SATB2: variants seen among roughly 807,000 people sequenced by gnomAD.
SATB2 encodes the protein DNA-binding protein SATB2.
SATB2 carries 1 observed loss-of-function variant against 73.4 expected under a neutral mutation model. The observed-to-expected ratio is 0.01, with a 90% CI of 0.00 to 0.06. The LOEUF is 0.06. SATB2 is among the 10% of genes least tolerant of loss of function. The probability of loss-of-function intolerance (pLI) is 1.00; values close to 1 mark genes in which losing one functional copy is unlikely to be tolerated. For synonymous variants in SATB2, 397 were observed against 367.0 expected, an observed-to-expected ratio of 1.08 and a Z score of -0.93; for missense variants, 459 against 945.8, an observed-to-expected ratio of 0.49 and a Z score of 6.75.
chr2:199,317,509 T>C (rs966659269), intron 9 of SATB2, among the ~76,000 whole-genome samples: 1 of 152,042 alleles, frequency 6.6e-6, no homozygotes, highest in Non-Finnish European at 1.5e-5. Context: ...GAGGATAAAA[T>C]GAACTTAAAA....
chr2:199,367,787 T>G (rs1325007750), intron 6 of SATB2, among the ~76,000 whole-genome samples: 5 of 152,134 alleles, frequency 3.3e-5, no homozygotes, highest in Non-Finnish European at 7.4e-5. Context: ...AACATTTATC[T>G]GAATGGAGTG....
At chr2:199,384,374 A>G (rs2105871292) in intron 3 of SATB2, among the ~76,000 whole-genome samples, 1 of 152,250 alleles carries the variant, frequency 6.6e-6, no homozygotes, top group Admixed American at 6.5e-5. Flanking sequence ...CTGCACAGCT[A>G]TTTACCAGGG....
chr2:199,394,003 C>A (rs1266421196), intron 3 of SATB2, among the ~76,000 whole-genome samples: 1 of 152,062 alleles, frequency 6.6e-6, no homozygotes, highest in Non-Finnish European at 1.5e-5. Flanking sequence ...ACTTCTCTAT[C>A]TAAATAAATA....
At chr2:199,289,681 C>A (rs781499650) in intron 10 of SATB2, among the ~76,000 whole-genome samples, 3 of 152,246 alleles carry the variant, frequency 2.0e-5, no homozygotes, top group Admixed American at 1.3e-4. Context: ...AACATACTTA[C>A]AAATGACATT....
chr2:199,351,680 G>A (rs566356813), intron 6 of SATB2, among the ~76,000 whole-genome samples: 3 of 152,018 alleles, frequency 2.0e-5, no homozygotes, highest in African/African-American at 7.2e-5. Context: ...TGAAAAAAAA[G>A]GTAAAGAGAC....
chr2:199,381,173 C>T (rs1689761439), intron 4 of SATB2, among the ~76,000 whole-genome samples: 1 of 137,814 alleles, frequency 7.3e-6, no homozygotes, highest in Non-Finnish European at 1.6e-5. Context: ...CCCAGAATCT[C>T]TGCAGGCCAC....
At chr2:199,404,867 T>TG (rs780952588) in intron 3 of SATB2, among the ~76,000 whole-genome samples, 1 of 152,216 alleles carries the variant, frequency 6.6e-6, no homozygotes, top group African/African-American at 2.4e-5. Flanking sequence ...GCTTTAAACT[T>TG]GTAAATAACC....
chr2:199,345,903 T>C (rs1212559887), intron 7 of SATB2, among the ~76,000 whole-genome samples: 1 of 152,186 alleles, frequency 6.6e-6, no homozygotes, highest in East Asian at 1.9e-4. Flanking sequence ...TTTTTCAATC[T>C]GTGTCCATCC....
intron 6 of SATB2, among the ~76,000 whole-genome samples, chr2:199,352,080 G>A (rs997705577): frequency 6.6e-6 from 1 of 152,102 alleles, no homozygotes; most frequent in South Asian, 2.1e-4. Context: ...ACCCATCTTG[G>A]CCAGGCTGGT....
At chr2:199,311,598 C>T (rs1272900182) in intron 9 of SATB2, among the ~76,000 whole-genome samples, 1 of 152,158 alleles carries the variant, frequency 6.6e-6, no homozygotes, top group Non-Finnish European at 1.5e-5. Context: ...GTTATTCCCT[C>T]CTACGGGCGC....
chr2:199,360,508 G>A (rs1379826432), intron 6 of SATB2, among the ~76,000 whole-genome samples: 1 of 152,144 alleles, frequency 6.6e-6, no homozygotes, highest in East Asian at 1.9e-4. Context: ...TTCATGGCAT[G>A]AGCTGCCCAT....
chr2:199,271,636 C>T lies in SATB2; in HGVS notation c.*575G>A, dbSNP rs924815961. The T allele has an allele frequency of 4.6e-5, 7 of 152,064 alleles. No individual in the cohort carries two copies. The highest frequency in any genetic ancestry group is 1.2e-4 in the African/African-American group (5 of 41,200). The allele number at this position is 152,064 out of a possible 1,614,324, so 9.4% of individuals were successfully genotyped here. A position where few individuals can be genotyped will look rare whatever the true frequency, so the allele number is the denominator to read the frequency against. ...TAGTCACCCCACCCTGAGAGCAGGC[C>T]GCAGTTTATCAAAAAGCCAAAGCGA... On this transcript the variant is annotated 3_prime_UTR_variant, in exon 11 of 11. Coordinates refer to ENST00000417098, the MANE Select transcript of SATB2 (RefSeq NM_001172509.2).
At chr2:199,390,553 A>G (rs1690099443) in intron 3 of SATB2, among the ~76,000 whole-genome samples, 2 of 152,200 alleles carry the variant, frequency 1.3e-5, no homozygotes, top group Admixed American at 1.3e-4. Context: ...CCCCTAAAAT[A>G]TCTTCAATAA....
At chr2:199,343,153 T>C (rs951942861) in intron 7 of SATB2, among the ~76,000 whole-genome samples, 10 of 152,006 alleles carry the variant, frequency 6.6e-5, no homozygotes, top group South Asian at 2.1e-4. Context: ...CGATTTGTTC[T>C]TGGTATAACC....
upstream of SATB2, chr2:199,468,859 C>T (rs976790889): frequency 1.1e-4 from 17 of 152,264 alleles, no homozygotes; most frequent in Admixed American, 1.1e-3. Context: ...CAATTATCTG[C>T]AAATACCCTG....
chr2:199,286,547 G>A (rs772349483), intron 10 of SATB2, among the ~76,000 whole-genome samples: 96 of 152,156 alleles, frequency 6.3e-4, no homozygotes, highest in Non-Finnish European at 8.1e-4. Flanking sequence ...AGGACAGTCC[G>A]GGCTATGACC....
intron 5 of SATB2, among the ~76,000 whole-genome samples, chr2:199,371,925 T>G (rs1486368228): frequency 6.6e-6 from 1 of 152,188 alleles, no homozygotes; most frequent in East Asian, 1.9e-4. Flanking sequence ...ACTAAGCATG[T>G]ATCGCTTTGC....
At chr2:199,392,457 CT>C (rs1207776229) in intron 3 of SATB2, among the ~76,000 whole-genome samples, 23 of 151,742 alleles carry the variant, frequency 1.5e-4, no homozygotes, top group Admixed American at 1.1e-3. Flanking sequence ...AAACCTGAAG[CT>C]TTTTTTTAAA....
chr2:199,375,500 T>C (rs1689573959), intron 5 of SATB2, among the ~76,000 whole-genome samples: 1 of 152,242 alleles, frequency 6.6e-6, no homozygotes. Context: ...GCTACAATTG[T>C]GGCACTTTTA....
Sources: allele counts gnomAD v4.1 joint callset (sites outside exome capture counted in the v4.1 genomes callset), GRCh38; gene constraint gnomAD v4.1.1; transcripts MANE v1.5; gene names NCBI Gene and HGNC (gene_info 2026-07-23, HGNC 2026-07-21).